NRG3: variants seen among roughly 807,000 people sequenced by gnomAD.
NRG3 encodes neuregulin 3.
NRG3 carries 31 observed loss-of-function variants against 66.9 expected under a neutral mutation model. The observed-to-expected ratio is 0.46, with a 90% CI of 0.35 to 0.63. The LOEUF (loss-of-function observed/expected upper bound fraction) is 0.63, where lower values mean the gene tolerates loss of function less well. Ranked by LOEUF, NRG3 falls within the 20% of genes least tolerant of loss-of-function variation. NRG3 has a pLI of 0.00. For missense variants in NRG3, 910 were observed against 878.9 expected, an observed-to-expected ratio of 1.04 and a Z score of -0.45; for synonymous variants, 393 against 359.4, an observed-to-expected ratio of 1.09 and a Z score of -1.06.
chr10:82,378,117 C>T (rs4933836), intron 2 of NRG3, among the ~76,000 whole-genome samples: 66,443 of 152,136 alleles, frequency 0.44, 17,761 homozygotes, highest in Non-Finnish European at 0.58. Context: ...TTTTTTCTTA[C>T]TTGTTCAGGG....
intron 1 of NRG3, among the ~76,000 whole-genome samples, chr10:82,308,393 G>A (rs913531779): frequency 6.6e-6 from 1 of 152,084 alleles, no homozygotes; most frequent in Non-Finnish European, 1.5e-5. Flanking sequence ...CCAGCCAGAA[G>A]GCCATTTTTG....
chr10:82,038,529 AGTCACAACCC>A (rs2062894310), intron 1 of NRG3, among the ~76,000 whole-genome samples: 1 of 152,174 alleles, frequency 6.6e-6, no homozygotes, highest in Admixed American at 6.6e-5. Flanking sequence ...GACTACTAGA[AGTCACAACCC>A]ATGAGTTTTG....
rs774050786 is a variant in NRG3, at chr10:82,367,614, T to C, written c.953+8746T>C. On this transcript the variant is annotated intron_variant, in intron 2 of 8. Transcript: ENST00000372141. ...TCCTTGCAGACTCTTTAAAAAGTGT[T>C]GTCTTTTTGTCTTCTGTTTTTCCTA... Among the ~76,000 whole-genome samples, 61 of 152,204 alleles carry C rather than the reference T, an allele frequency of 4.0e-4. 1 individual carries two copies. The highest frequency in any genetic ancestry group is 8.4e-4 in the Non-Finnish European group (57 of 68,030).
chr10:82,929,494 A>G (rs187462303), intron 4 of NRG3, among the ~76,000 whole-genome samples: 1 of 152,186 alleles, frequency 6.6e-6, no homozygotes, highest in African/African-American at 2.4e-5. Flanking sequence ...TATTCCAACT[A>G]TGAGCTACTA....
intron 1 of NRG3, among the ~76,000 whole-genome samples, chr10:81,992,648 A>C (rs1019646430): frequency 1.3e-5 from 2 of 152,172 alleles, no homozygotes; most frequent in African/African-American, 4.8e-5. Context: ...ATGAGCTAGA[A>C]TGACTCTCTT....
intron 2 of NRG3, among the ~76,000 whole-genome samples, chr10:82,650,609 T>G (rs560026461): frequency 1.3e-5 from 2 of 152,322 alleles, no homozygotes; most frequent in South Asian, 4.1e-4. Context: ...TGCTACTGAT[T>G]GCATGTCATG....
intron 1 of NRG3, among the ~76,000 whole-genome samples, chr10:82,324,388 C>T (rs1015480702): frequency 6.6e-6 from 1 of 151,976 alleles, no homozygotes; most frequent in African/African-American, 2.4e-5. Context: ...ACTAGTTTTT[C>T]TCTATTGATT....
chr10:81,944,643 T>C (rs2133127165), intron 1 of NRG3, among the ~76,000 whole-genome samples: 1 of 152,264 alleles, frequency 6.6e-6, no homozygotes, highest in South Asian at 2.1e-4. Flanking sequence ...GCCTCATCTT[T>C]TGTGGCAGGA....
intron 1 of NRG3, among the ~76,000 whole-genome samples, chr10:81,976,712 G>A (rs2060137160): frequency 6.6e-6 from 1 of 152,178 alleles, no homozygotes; most frequent in Non-Finnish European, 1.5e-5. Context: ...GGCGTCCAGA[G>A]CAAGATATCT....
intron 1 of NRG3, among the ~76,000 whole-genome samples, chr10:82,148,771 T>TC (rs112481720): frequency 0.22 from 33,845 of 151,930 alleles, 4,224 homozygotes; most frequent in African/African-American, 0.32. Flanking sequence ...ACCCTTACAA[T>TC]CCCCAAAGAT....
chr10:82,003,315 T>C (rs2061246605), intron 1 of NRG3, among the ~76,000 whole-genome samples: 1 of 152,206 alleles, frequency 6.6e-6, no homozygotes, highest in South Asian at 2.1e-4. Context: ...ATATTTAATA[T>C]GAGCCTTGAT....
intron 1 of NRG3, among the ~76,000 whole-genome samples, chr10:82,316,294 A>G (rs1210519921): frequency 6.6e-6 from 1 of 152,238 alleles, no homozygotes; most frequent in Non-Finnish European, 1.5e-5. Context: ...CTGGAATACA[A>G]GGACACTCTG....
intron 2 of NRG3, among the ~76,000 whole-genome samples, chr10:82,430,909 T>A (rs1341080680): frequency 6.6e-6 from 1 of 152,194 alleles, no homozygotes; most frequent in African/African-American, 2.4e-5. Context: ...TTAACTTTTA[T>A]TTATGGAAAG....
intron 2 of NRG3, among the ~76,000 whole-genome samples, chr10:82,688,781 A>AG (rs919701826): frequency 1.0e-4 from 15 of 150,720 alleles, no homozygotes; most frequent in African/African-American, 3.4e-4. Flanking sequence ...AAAAAAAAAA[A>AG]GAAAAGAAAA....
chr10:82,912,722 GT>G (rs1377919528), intron 4 of NRG3, among the ~76,000 whole-genome samples: 2 of 151,874 alleles, frequency 1.3e-5, no homozygotes. Flanking sequence ...CTGGGTTTTT[GT>G]TTCTTTTTCT....
intron 1 of NRG3, chr10:82,229,120 A>G (rs1202331705): frequency 6.6e-6 from 1 of 152,244 alleles, no homozygotes; most frequent in African/African-American, 2.4e-5. Flanking sequence ...CCCTCCTCCC[A>G]TAGTTCCAAG....
chr10:82,782,256 G>C (rs1191809623), intron 3 of NRG3, among the ~76,000 whole-genome samples: 1 of 152,110 alleles, frequency 6.6e-6, no homozygotes, highest in Non-Finnish European at 1.5e-5. Flanking sequence ...GGATAGGTTA[G>C]TTCTCACAGG....
At chr10:82,248,269 G>C (rs963094192) in intron 1 of NRG3, among the ~76,000 whole-genome samples, 1 of 152,114 alleles carries the variant, frequency 6.6e-6, no homozygotes, top group Non-Finnish European at 1.5e-5. Flanking sequence ...CCTCTATACT[G>C]TGGCATGTCA....
chr10:82,326,383 T>C (rs566549124), intron 1 of NRG3, among the ~76,000 whole-genome samples: 27 of 152,262 alleles, frequency 1.8e-4, no homozygotes, highest in African/African-American at 6.0e-4. Flanking sequence ...TGCCTTTATA[T>C]GGTTTTCTTC....
Sources: gnomAD v4.1 joint callset for allele counts (sites outside exome capture counted in the v4.1 genomes callset) on GRCh38, gnomAD v4.1.1 for gene constraint, MANE v1.5 for transcripts, NCBI Gene and HGNC (gene_info 2026-07-23, HGNC 2026-07-21) for gene names.